Variants in TNFRSF9 observed in about 807,000 individuals in gnomAD.
TNFRSF9 encodes tumor necrosis factor receptor superfamily member 9.
TNFRSF9 carries 16 observed loss-of-function variants against 28.8 expected under a neutral mutation model. That is an observed-to-expected ratio of 0.55 (90% confidence interval 0.38 to 0.84). The LOEUF is 0.84. TNFRSF9 is among the 40% of genes least tolerant of loss of function. The pLI, the probability that TNFRSF9 is intolerant of heterozygous loss-of-function variation, is 0.00. For synonymous variants in TNFRSF9, 131 were observed against 117.0 expected (o/e 1.12, Z -0.77); for missense variants, 303 against 315.0 (o/e 0.96, Z 0.29).
chr1:7,939,125 G>C (rs161813), intron 2 of TNFRSF9, among the ~76,000 whole-genome samples: 13,699 of 152,078 alleles, frequency 0.09, 1,590 homozygotes, highest in East Asian at 0.51. Context: ...TTCAAGACCA[G>C]CTTGGCCAAC....
At chr1:7,932,439 T>C (rs971079561) in intron 7 of TNFRSF9, among the ~76,000 whole-genome samples, 3 of 152,198 alleles carry the variant, frequency 2.0e-5, no homozygotes, top group African/African-American at 7.2e-5. Flanking sequence ...ACAGAAATAA[T>C]TGTTGAACAA....
At chr1:7,934,982 G>A (rs186186928) in intron 6 of TNFRSF9, 31 bp downstream of exon 6, 174 of 1,611,542 alleles carry the variant, frequency 1.1e-4, no homozygotes, top group Admixed American at 9.8e-4. Flanking sequence ...CATAAGATAC[G>A]CACTTTGGCG....
In TNFRSF9 at chr1:7,940,822, T is replaced by TG. The variant is rs1485211615; in HGVS notation, c.-124dup. On this transcript the variant is annotated 5_prime_UTR_variant, in exon 1 of 8. Transcript: ENST00000377507. ...GGCTGCCGGAGAACTTTCCACTCCT[T>TG]GGTCTTCAGGCTTCTGCAGCTCGAG... 2.6e-5 allele frequency: 4 copies of TG among 152,312 alleles called. No homozygotes were observed. Among genetic ancestry groups the TG allele is most frequent in the African/African-American group, 9.7e-5 (4 of 41,440 alleles). The allele number at this position is 152,312 out of a possible 1,614,324, so 9.4% of individuals were successfully genotyped here. A position where few individuals can be genotyped will look rare whatever the true frequency, so the allele number is the denominator to read the frequency against.
rs551272778 is a variant in TNFRSF9 at position 7,927,597 on chromosome 1, G to A, written c.679+5565C>T. On this transcript the variant is annotated intron_variant, in intron 7 of 7. Coordinates refer to ENST00000377507, the MANE Select transcript of TNFRSF9 (RefSeq NM_001561.6). Reference sequence around the variant, plus strand: ...AGGGAGGATCACTTGAGCCCAGGAGGTGGAGGCTGCAGTAAGCCATGATCA... The same window carrying A: ...AGGGAGGATCACTTGAGCCCAGGAGATGGAGGCTGCAGTAAGCCATGATCA... Among the ~76,000 whole-genome samples, 18 of 152,192 alleles carry A rather than the reference G, an allele frequency of 1.2e-4. No homozygotes were observed. In the East Asian group the frequency reaches 3.3e-3, roughly 28 times the overall value.
intron 7 of TNFRSF9, chr1:7,921,806 CTATTTTCTT>C (rs1483095936): frequency 6.6e-6 from 1 of 152,128 alleles, no homozygotes; most frequent in Non-Finnish European, 1.5e-5. Flanking sequence ...TCTTTAAGAA[CTATTTTCTT>C]TATTTTCTAC....
chr1:7,931,607 C>T (rs1189083846), intron 7 of TNFRSF9, among the ~76,000 whole-genome samples: 4 of 152,132 alleles, frequency 2.6e-5, no homozygotes, highest in African/African-American at 9.7e-5. Flanking sequence ...AAGTTAATAC[C>T]ATACAAGTCT....
chr1:7,927,225 C>T (rs554246241), intron 7 of TNFRSF9, among the ~76,000 whole-genome samples: 7 of 152,270 alleles, frequency 4.6e-5, no homozygotes, highest in African/African-American at 1.2e-4. Context: ...TGCTGAGGGA[C>T]GCTACTCCCT....
intron 7 of TNFRSF9, among the ~76,000 whole-genome samples, chr1:7,932,706 CACACACACAG>C (rs1639750678): frequency 6.7e-6 from 1 of 149,462 alleles, no homozygotes; most frequent in Admixed American, 6.7e-5. Context: ...CACACACGCA[CACACACACAG>C]ACACGCACAC....
Position 7,920,943 on chromosome 1 carries a change from A to T in TNFRSF9, c.680-20T>A. On this transcript the variant is annotated intron_variant, in intron 7 of 7. Transcript: ENST00000377507. ...TAAATGCTAAAAAAAAAATTTTAAG[A>T]TACGTATATTTTGTTGTCTATTTGA... 2 of 1,536,918 alleles carry T rather than the reference A, an allele frequency of 1.3e-6. No individual in the cohort carries two copies. The highest frequency in any genetic ancestry group is 1.8e-6 in the Non-Finnish European group (2 of 1,112,370).
intron 7 of TNFRSF9, among the ~76,000 whole-genome samples, 153 bp from the exon 8 acceptor site, chr1:7,921,076 C>T (rs1639550997): frequency 6.6e-6 from 1 of 152,156 alleles, no homozygotes; most frequent in Admixed American, 6.6e-5. Flanking sequence ...TGGCTCATGC[C>T]TGTAACCCCA....
At chr1:7,936,710 A>G (rs899214070) in intron 5 of TNFRSF9, 16 of 152,238 alleles carry the variant, frequency 1.1e-4, no homozygotes, top group African/African-American at 3.6e-4. Flanking sequence ...AAAATAATAA[A>G]AATGATTTTC....
At chr1:7,927,011 G>T (rs226483) in intron 7 of TNFRSF9, among the ~76,000 whole-genome samples, 13,906 of 151,796 alleles carry the variant, frequency 0.092, 1,603 homozygotes, top group East Asian at 0.52. Context: ...ATTGTTTAAG[G>T]CCAGGAGTTC....
Position 7,919,514 on chromosome 1 carries a change from G to A in TNFRSF9, c.*1321C>T, listed in dbSNP as rs161825. ...ACACTGTCTCAAAAAAAAATAAAAT[G>A]AATAAAATTTAAAAAGCTATCCTTA... On this transcript the variant is annotated 3_prime_UTR_variant, in exon 8 of 8. Coordinates refer to ENST00000377507, the MANE Select transcript of TNFRSF9 (RefSeq NM_001561.6). The A allele has an allele frequency of 0.11, 16,648 of 151,982 alleles. 2,080 individuals are homozygous for A. Among genetic ancestry groups the A allele is most frequent in the East Asian group, 0.51 (2,651 of 5,158 alleles). 9.4% of individuals were successfully genotyped at this position (151,982 alleles called of 1,614,324 possible).
chr1:7,922,538 G>A (rs1194804036), intron 7 of TNFRSF9, among the ~76,000 whole-genome samples: 4 of 152,150 alleles, frequency 2.6e-5, no homozygotes, highest in Non-Finnish European at 4.4e-5. Flanking sequence ...GAGGCCAGGC[G>A]TGGTGACTCA....
At chr1:7,937,633 T>C (rs1225899020) in intron 5 of TNFRSF9, 57 bp downstream of exon 5, 2 of 1,459,662 alleles carry the variant, frequency 1.4e-6, no homozygotes, top group Non-Finnish European at 1.9e-6. Context: ...ATTCCTTATC[T>C]TCCAAAAAAT....
intron 7 of TNFRSF9, among the ~76,000 whole-genome samples, chr1:7,924,015 A>T (rs1639599875): frequency 1.3e-5 from 2 of 152,222 alleles, no homozygotes; most frequent in South Asian, 4.1e-4. Context: ...TTTGGTCAAA[A>T]ACAGACTGCA....
At chr1:7,925,963 C>T (rs892073360) in intron 7 of TNFRSF9, among the ~76,000 whole-genome samples, 1 of 152,138 alleles carries the variant, frequency 6.6e-6, no homozygotes, top group African/African-American at 2.4e-5. Flanking sequence ...TGCAGTGATG[C>T]GATCTCGGCT....
intron 7 of TNFRSF9, among the ~76,000 whole-genome samples, chr1:7,929,463 C>T (rs1376086258): frequency 2.6e-5 from 4 of 151,976 alleles, no homozygotes; most frequent in Non-Finnish European, 4.4e-5. Flanking sequence ...CACTGTGCCC[C>T]GCCCCTCATT....
chr1:7,935,047 G>A lies in TNFRSF9; in HGVS notation c.510C>T (p.Ser170=). 6.2e-6 allele frequency: 10 copies of A among 1,614,262 alleles called. No individual in the cohort carries two copies. The highest frequency in any genetic ancestry group is 8.5e-6 in the Non-Finnish European group (10 of 1,180,050). ...TCGCAGGGGCAGGCGGGGTCACAGA[G>A]GATGCTCCCGGAGAGAGGTCGGCTG... The part of the protein sequence containing the change: ...PSPADLSPGA[S]SVTPPAPARE... Residue 170 remains serine (S), a synonymous_variant, in exon 6 of 8, where the codon TCC becomes TCT. Transcript: ENST00000377507.
Sources: gnomAD v4.1 joint callset for allele counts (sites outside exome capture counted in the v4.1 genomes callset) on GRCh38, gnomAD v4.1.1 for gene constraint, MANE v1.5 for transcripts, NCBI Gene and HGNC (gene_info 2026-07-23, HGNC 2026-07-21) for gene names.